Variants in SOCS5 observed in about 807,000 individuals in gnomAD.
SOCS5 encodes suppressor of cytokine signaling 5, also known as CIS-6.
In SOCS5, 32 loss-of-function variants were observed where a neutral mutation model predicts 42.8. The ratio of observed to expected loss-of-function variants is 0.75; its 90% CI spans 0.56 to 1.01. The LOEUF is 1.01. SOCS5 is among the 50% of genes least tolerant of loss of function. The pLI, the probability that SOCS5 is intolerant of heterozygous loss-of-function variation, is 0.00. For missense variants in SOCS5, 627 were observed against 653.0 expected, an observed-to-expected ratio of 0.96 and a Z score of 0.43; for synonymous variants, 283 against 229.6, an observed-to-expected ratio of 1.23 and a Z score of -2.10.
At chr2:46,726,170 C>G (rs1184307370) in intron 1 of SOCS5, among the ~76,000 whole-genome samples, 1 of 152,092 alleles carries the variant, frequency 6.6e-6, no homozygotes, top group African/African-American at 2.4e-5. Context: ...AATCTCAGCT[C>G]ACTGCAACCT....
At chr2:46,732,628 A>G (rs1673151393) in intron 1 of SOCS5, among the ~76,000 whole-genome samples, 1 of 152,220 alleles carries the variant, frequency 6.6e-6, no homozygotes, top group African/African-American at 2.4e-5. Flanking sequence ...TTGAACAGAA[A>G]CTATTTCCCA....
intron 1 of SOCS5, among the ~76,000 whole-genome samples, chr2:46,702,287 G>A (rs1210174335): frequency 6.6e-6 from 1 of 152,072 alleles, no homozygotes; most frequent in Non-Finnish European, 1.5e-5. Flanking sequence ...AAAAATGCAC[G>A]ATCAAATCAT....
intron 1 of SOCS5, among the ~76,000 whole-genome samples, chr2:46,744,080 C>T (rs149304856): frequency 0.061 from 9,264 of 152,064 alleles, 318 homozygotes; most frequent in Middle Eastern, 0.13. Context: ...ACCTCCCCCT[C>T]CTGGGTTCAA....
At chr2:46,733,748 A>G (rs1673180281) in intron 1 of SOCS5, among the ~76,000 whole-genome samples, 1 of 152,202 alleles carries the variant, frequency 6.6e-6, no homozygotes, top group South Asian at 2.1e-4. Flanking sequence ...CACTCTTTAA[A>G]AAATCAGTAT....
intron 1 of SOCS5, among the ~76,000 whole-genome samples, chr2:46,749,060 T>C (rs531244347): frequency 6.6e-6 from 1 of 152,214 alleles, no homozygotes; most frequent in Non-Finnish European, 1.5e-5. Flanking sequence ...GAAGCATTGA[T>C]GCCCTGTGCT....
rs73926566 is a variant in SOCS5, at chr2:46,709,645, T to G, written c.-13+10196T>G. On this transcript the variant is annotated intron_variant, in intron 1 of 1. Coordinates refer to ENST00000394861, the MANE Select transcript of SOCS5 (RefSeq NM_144949.3). ...AGGACCTGGTGAACAAGATTTCCTA[T>G]CTAAAATGCCTATTTTGAGTTGGGA... Among the ~76,000 whole-genome samples the G allele has an allele frequency of 4.1e-3, 625 of 152,294 alleles. 5 individuals carry two copies. Among genetic ancestry groups the G allele is most frequent in the African/African-American group, 0.014 (583 of 41,544 alleles).
intron 1 of SOCS5, among the ~76,000 whole-genome samples, chr2:46,750,848 T>G (rs532059734): frequency 6.6e-6 from 1 of 152,318 alleles, no homozygotes; most frequent in South Asian, 2.1e-4. Flanking sequence ...GTGCTACCTC[T>G]GTCAACTTTT....
chr2:46,742,317 T>C (rs1673395979), intron 1 of SOCS5, among the ~76,000 whole-genome samples: 1 of 152,076 alleles, frequency 6.6e-6, no homozygotes, highest in African/African-American at 2.4e-5. Flanking sequence ...GGTCCTGGGC[T>C]CAAGCAAGCA....
intron 1 of SOCS5, among the ~76,000 whole-genome samples, chr2:46,752,944 T>C (rs1673655864): frequency 6.6e-6 from 1 of 152,226 alleles, no homozygotes; most frequent in South Asian, 2.1e-4. Flanking sequence ...ATTTGACATC[T>C]GAACATCTCA....
At chr2:46,756,235 A>T (rs1309689277) in intron 1 of SOCS5, among the ~76,000 whole-genome samples, 1 of 152,240 alleles carries the variant, frequency 6.6e-6, no homozygotes, top group Non-Finnish European at 1.5e-5. Context: ...TACAAAATTT[A>T]TAAACACGGA....
At chr2:46,709,698 A>T (rs17770970) in intron 1 of SOCS5, among the ~76,000 whole-genome samples, 12,744 of 152,268 alleles carry the variant, frequency 0.084, 668 homozygotes, top group Middle Eastern at 0.25. Context: ...TAGTTAGATG[A>T]TTCAAGACTA....
intron 1 of SOCS5, among the ~76,000 whole-genome samples, chr2:46,752,765 C>T (rs1673651559): frequency 6.6e-6 from 1 of 152,122 alleles, no homozygotes; most frequent in Non-Finnish European, 1.5e-5. Context: ...TTTAAAAATT[C>T]AATTTGTTGA....
intron 1 of SOCS5, among the ~76,000 whole-genome samples, chr2:46,726,820 G>A (rs942458456): frequency 1.7e-4 from 25 of 151,142 alleles, no homozygotes; most frequent in Non-Finnish European, 5.9e-5. Context: ...GCAATGGCGC[G>A]ATCTTGGCTC....
At chr2:46,745,577 A>T (rs1391410792) in intron 1 of SOCS5, among the ~76,000 whole-genome samples, 2 of 152,144 alleles carry the variant, frequency 1.3e-5, no homozygotes, top group East Asian at 3.8e-4. Context: ...AAATAACTGG[A>T]TTCCATTTGT....
At chr2:46,732,711 A>C (rs1439368075) in intron 1 of SOCS5, among the ~76,000 whole-genome samples, 1 of 152,210 alleles carries the variant, frequency 6.6e-6, no homozygotes, top group Non-Finnish European at 1.5e-5. Flanking sequence ...GGCTCTGAGA[A>C]TCTGGAGGTA....
chr2:46,761,878 T>C lies in SOCS5; in HGVS notation c.*1737T>C, dbSNP rs1673878177. 6.0e-6 allele frequency: 1 copy of C among 166,920 alleles called. No homozygotes were observed. The highest frequency in any genetic ancestry group is 2.4e-5 in the African/African-American group (1 of 41,432). 10.3% of individuals were successfully genotyped at this position (166,920 alleles called of 1,614,324 possible). ...TAACAGAAAACTGACAGAGAAGTAA[T>C]AAACCTATTGATTTCTCTGCTTATA... On this transcript the variant is annotated 3_prime_UTR_variant, in exon 2 of 2. Transcript: ENST00000394861.
chr2:46,738,500 G>C (rs1673301671), intron 1 of SOCS5, among the ~76,000 whole-genome samples: 1 of 152,190 alleles, frequency 6.6e-6, no homozygotes, highest in African/African-American at 2.4e-5. Flanking sequence ...AACCTGGGGA[G>C]ACATATTGTT....
chr2:46,730,372 G>A (rs915859027), intron 1 of SOCS5, among the ~76,000 whole-genome samples: 2 of 151,938 alleles, frequency 1.3e-5, no homozygotes, highest in East Asian at 1.9e-4. Flanking sequence ...AGGCCGAGGC[G>A]GGCGGATTGC....
chr2:46,707,803 C>A (rs568489441), intron 1 of SOCS5, among the ~76,000 whole-genome samples: 4 of 152,236 alleles, frequency 2.6e-5, no homozygotes, highest in Non-Finnish European at 5.9e-5. Context: ...TCCTGATAAA[C>A]CCATCCTAAG....
Sources: gnomAD v4.1 joint callset for allele counts (sites outside exome capture counted in the v4.1 genomes callset) on GRCh38, gnomAD v4.1.1 for gene constraint, MANE v1.5 for transcripts, NCBI Gene and HGNC (gene_info 2026-07-23, HGNC 2026-07-21) for gene names.